Variants in ARHGAP10 observed in about 807,000 individuals in gnomAD.
ARHGAP10 encodes rho GTPase-activating protein 10.
ARHGAP10 carries 87 observed loss-of-function variants against 108.6 expected under a neutral mutation model. The ratio of observed to expected loss-of-function variants is 0.80; its 90% confidence interval spans 0.67 to 0.96. ARHGAP10 has a LOEUF of 0.96. Among genes scored for constraint, ARHGAP10 ranks in the 40% least tolerant of loss-of-function variants. ARHGAP10 has a pLI of 0.00. For synonymous variants in ARHGAP10, 347 were observed against 341.1 expected, an observed-to-expected ratio of 1.02 and a Z score of -0.19; for missense variants, 939 against 954.5, an observed-to-expected ratio of 0.98 and a Z score of 0.21.
intron 1 of ARHGAP10, among the ~76,000 whole-genome samples, chr4:147,753,208 A>C (rs1729232243): frequency 6.6e-6 from 1 of 152,200 alleles, no homozygotes. Context: ...TTGGAGCTGG[A>C]AGGAATGTCC....
At chr4:147,932,353 A>G (rs1737737161) in intron 13 of ARHGAP10, among the ~76,000 whole-genome samples, 1 of 152,214 alleles carries the variant, frequency 6.6e-6, no homozygotes, top group South Asian at 2.1e-4. Context: ...ACGCATGCAT[A>G]TGTTCACTAC....
At chr4:147,765,893 A>G (rs551702138) in intron 1 of ARHGAP10, among the ~76,000 whole-genome samples, 15 of 152,314 alleles carry the variant, frequency 9.8e-5, no homozygotes, top group Non-Finnish European at 2.1e-4. Context: ...GAGATACACA[A>G]TGCTGTGATT....
chr4:147,933,925 G>A (rs1024364591), intron 13 of ARHGAP10, among the ~76,000 whole-genome samples: 1 of 152,148 alleles, frequency 6.6e-6, no homozygotes, highest in Admixed American at 6.5e-5. Context: ...CGGGAGCTGA[G>A]CCTGGGTCCC....
intron 8 of ARHGAP10, among the ~76,000 whole-genome samples, chr4:147,878,393 C>T (rs183657609): frequency 2.9e-4 from 44 of 152,292 alleles, no homozygotes; most frequent in Admixed American, 5.2e-4. Flanking sequence ...CTGCGCCTGG[C>T]CCATACTTCA....
intron 1 of ARHGAP10, among the ~76,000 whole-genome samples, chr4:147,797,527 C>G (rs1392038378): frequency 2.0e-5 from 3 of 152,172 alleles, no homozygotes; most frequent in Non-Finnish European, 4.4e-5. Flanking sequence ...ATTCTCCTGC[C>G]TCAGCCTCTG....
intron 18 of ARHGAP10, among the ~76,000 whole-genome samples, chr4:147,971,466 G>T (rs1342465664): frequency 6.6e-6 from 1 of 152,174 alleles, no homozygotes; most frequent in African/African-American, 2.4e-5. Flanking sequence ...GCGAGAAAGT[G>T]GCGGAGACTT....
chr4:147,779,027 G>T (rs896403131), intron 1 of ARHGAP10, among the ~76,000 whole-genome samples: 3 of 152,172 alleles, frequency 2.0e-5, no homozygotes, highest in Non-Finnish European at 4.4e-5. Flanking sequence ...GATGTGGAGG[G>T]TTTCTTCCGG....
At chr4:147,920,219 C>A (rs1365302122) in intron 13 of ARHGAP10, among the ~76,000 whole-genome samples, 2 of 151,660 alleles carry the variant, frequency 1.3e-5, no homozygotes, top group Non-Finnish European at 2.9e-5. Flanking sequence ...GAGTTTGAGA[C>A]CAGCCTGGCC....
intron 19 of ARHGAP10, among the ~76,000 whole-genome samples, chr4:148,028,484 G>C (rs1224966786): frequency 1.3e-5 from 2 of 152,166 alleles, no homozygotes; most frequent in Non-Finnish European, 2.9e-5. Context: ...ACTGAGGATG[G>C]TTGAGAAGGT....
intron 22 of ARHGAP10, 51 bp from the exon 23 acceptor site, chr4:148,071,942 G>C: frequency 6.6e-7 from 1 of 1,518,446 alleles, no homozygotes; most frequent in Non-Finnish European, 9.1e-7. Flanking sequence ...ACACCCAGGA[G>C]GCAAGTACTT....
chr4:147,973,825 T>A (rs898793603), intron 18 of ARHGAP10, among the ~76,000 whole-genome samples: 1 of 152,210 alleles, frequency 6.6e-6, no homozygotes, highest in Non-Finnish European at 1.5e-5. Context: ...TCACTTAACA[T>A]AATTACCTTC....
At chr4:147,971,199 T>G in intron 18 of ARHGAP10, among the ~76,000 whole-genome samples, 1 of 152,188 alleles carries the variant, frequency 6.6e-6, no homozygotes, top group African/African-American at 2.4e-5. Context: ...AAGGGTGCTG[T>G]GAACTTTTCA....
At chr4:147,921,766 C>G (rs184444036) in intron 13 of ARHGAP10, among the ~76,000 whole-genome samples, 15 of 152,270 alleles carry the variant, frequency 9.9e-5, no homozygotes, top group Admixed American at 2.6e-4. Context: ...TACCTCCAGT[C>G]CCTCCCACCT....
intron 18 of ARHGAP10, among the ~76,000 whole-genome samples, chr4:148,003,795 T>C (rs1257148045): frequency 3.1e-5 from 4 of 127,056 alleles, no homozygotes; most frequent in African/African-American, 1.5e-4. Flanking sequence ...ATTTTGAGCC[T>C]GTGTGTGTCT....
chr4:147,979,029 GT>G (rs1196087784), intron 18 of ARHGAP10, among the ~76,000 whole-genome samples: 1 of 152,122 alleles, frequency 6.6e-6, no homozygotes, highest in East Asian at 1.9e-4. Context: ...TCTGTTGAGA[GT>G]TTCTTTTGCT....
intron 18 of ARHGAP10, among the ~76,000 whole-genome samples, chr4:147,992,908 T>G (rs1387418383): frequency 6.6e-6 from 1 of 152,210 alleles, no homozygotes; most frequent in Non-Finnish European, 1.5e-5. Context: ...GTATTCAGCC[T>G]TCTGCCTGAA....
At position 147,788,476 on chromosome 4, in the gene ARHGAP10, C is replaced by T. The variant is rs1001374482; in HGVS notation, c.155-34251C>T. Among the ~76,000 whole-genome samples the T allele has an allele frequency of 2.6e-5, 4 of 152,044 alleles. No homozygotes were observed. The East Asian group carries it at 7.7e-4, about 29-fold the overall frequency. On this transcript the variant is annotated intron_variant, in intron 1 of 22. Transcript: ENST00000336498. ...AGAAAAAAAAAAGTGCTTCTGAGGTCCAGTGAAGGTATGAAGGAAAACTTG... is the reference window on the plus strand; with the variant it reads ...AGAAAAAAAAAAGTGCTTCTGAGGTTCAGTGAAGGTATGAAGGAAAACTTG...
intron 10 of ARHGAP10, among the ~76,000 whole-genome samples, chr4:147,898,184 GGC>G (rs765944137): frequency 0.78 from 118,534 of 151,958 alleles, 48,830 homozygotes; most frequent in Non-Finnish European, 0.92. Flanking sequence ...GGCTGCCTTA[GGC>G]TGCATTTCTT....
At chr4:147,958,015 G>A (rs1265482276) in intron 16 of ARHGAP10, among the ~76,000 whole-genome samples, 2 of 152,180 alleles carry the variant, frequency 1.3e-5, no homozygotes, top group Non-Finnish European at 2.9e-5. Context: ...CCCAGTAGAC[G>A]ATCCATCTTG....
Sources: gnomAD v4.1 joint callset for allele counts (sites outside exome capture counted in the v4.1 genomes callset) on GRCh38, gnomAD v4.1.1 for gene constraint, MANE v1.5 for transcripts, NCBI Gene and HGNC (gene_info 2026-07-23, HGNC 2026-07-21) for gene names.